Variants in GRIK3 observed in about 807,000 individuals in gnomAD.
GRIK3 encodes glutamate ionotropic receptor kainate type subunit 3, also known as glutamate receptor ionotropic, kainate 3.
Under a neutral mutation model 102.5 loss-of-function variants are expected in GRIK3, and 29 were observed. The observed-to-expected ratio is 0.28, with a 90% CI of 0.21 to 0.39. The LOEUF (loss-of-function observed/expected upper bound fraction) is 0.39. Ranked by LOEUF, GRIK3 falls within the 10% of genes least tolerant of loss-of-function variation. The probability of loss-of-function intolerance (pLI) is 1.00; values close to 1 mark genes in which losing one functional copy is unlikely to be tolerated. For synonymous variants in GRIK3, 511 were observed against 504.9 expected (o/e 1.01, Z -0.16); for missense variants, 908 against 1,252.4 (o/e 0.73, Z 4.15).
intron 11 of GRIK3, among the ~76,000 whole-genome samples, chr1:36,821,945 C>T (rs1033834327): frequency 1.3e-5 from 2 of 152,240 alleles, no homozygotes; most frequent in African/African-American, 4.8e-5. Context: ...AAAAAATCCC[C>T]TATCATACCA....
chr1:36,795,689 C>T lies in GRIK3; in HGVS notation c.*6162G>A, dbSNP rs978097927. On this transcript the variant is annotated 3_prime_UTR_variant, in exon 16 of 16. Coordinates refer to ENST00000373091, the MANE Select transcript of GRIK3 (RefSeq NM_000831.4). ...GAATGATTGGCAAGTAACACAGTTA[C>T]TATGAAACCCAAATTGTTACAAAAT... 3 of 152,218 alleles carry T rather than the reference C, an allele frequency of 2.0e-5. No homozygotes were observed. The highest frequency in any genetic ancestry group is 6.5e-5 in the Admixed American group (1 of 15,278). 9.4% of individuals were successfully genotyped at this position (152,218 alleles called of 1,614,324 possible). A position where few individuals can be genotyped will look rare whatever the true frequency, so the allele number is the denominator to read the frequency against.
At chr1:36,919,338 A>AATTTTATTTT (rs59601847) in intron 1 of GRIK3, among the ~76,000 whole-genome samples, 12,149 of 143,576 alleles carry the variant, frequency 0.085, 781 homozygotes, top group African/African-American at 0.17. Flanking sequence ...GCTTTTTTAA[A>AATTTTATTTT]ATTTTATTTT....
At chr1:36,957,933 A>C (rs555295) in intron 1 of GRIK3, among the ~76,000 whole-genome samples, 463 of 19,370 alleles carry the variant, frequency 0.024, 13 homozygotes, top group Middle Eastern at 0.088. Context: ...TGTGTGCCCC[A>C]TGAGCCTGTG....
At chr1:36,854,700 T>C (rs1324402396) in intron 7 of GRIK3, among the ~76,000 whole-genome samples, 1 of 152,218 alleles carries the variant, frequency 6.6e-6, no homozygotes, top group East Asian at 1.9e-4. Flanking sequence ...CTATTTTCTA[T>C]GAGCCCCTTT....
intron 1 of GRIK3, among the ~76,000 whole-genome samples, chr1:36,907,908 TGA>T (rs1184516582): frequency 1.3e-5 from 2 of 152,100 alleles, no homozygotes; most frequent in African/African-American, 4.8e-5. Context: ...TTGTTCCCAG[TGA>T]GAGAGGCCCC....
chr1:36,805,936 C>CAAAAAAAAAAAAAAAAAAA (rs749853809), intron 14 of GRIK3, among the ~76,000 whole-genome samples, 168 bp downstream of exon 14: 44 of 31,508 alleles, frequency 1.4e-3, no homozygotes, highest in East Asian at 2.6e-3. Context: ...AACTCCACCT[C>CAAAAAAAAAAAAAAAAAAA]AAAAAAAAAA....
At chr1:36,938,560 C>T (rs1289699941) in intron 1 of GRIK3, among the ~76,000 whole-genome samples, 2 of 152,092 alleles carry the variant, frequency 1.3e-5, no homozygotes, top group African/African-American at 2.4e-5. Context: ...TGCTGAAAGG[C>T]CAGGAGATGA....
In GRIK3 at chr1:36,937,567, C is replaced by T. The variant is rs116791117; in HGVS notation, c.116-46471G>A. Reference sequence around the variant, plus strand: ...AGAGAAACAACCCCAGAGATAAAGTCCCGTGCCTCACATGCCTAAATGATT... The same window carrying T: ...AGAGAAACAACCCCAGAGATAAAGTTCCGTGCCTCACATGCCTAAATGATT... On this transcript the variant is annotated intron_variant, in intron 1 of 15. Transcript: ENST00000373091. Among the ~76,000 whole-genome samples, 885 of 152,208 alleles carry T rather than the reference C, an allele frequency of 5.8e-3. 6 individuals are homozygous for T. Among genetic ancestry groups the T allele is most frequent in the African/African-American group, 0.021 (857 of 41,524 alleles).
intron 1 of GRIK3, among the ~76,000 whole-genome samples, chr1:36,910,351 A>G (rs1426671178): frequency 1.3e-5 from 2 of 152,184 alleles, no homozygotes; most frequent in South Asian, 2.1e-4. Context: ...GATCAGCGAG[A>G]TTGTTGCTAA....
chr1:36,977,552 T>A (rs1570840280), intron 1 of GRIK3, among the ~76,000 whole-genome samples: 2 of 152,026 alleles, frequency 1.3e-5, no homozygotes, highest in East Asian at 3.9e-4. Flanking sequence ...ATGTAGAAAA[T>A]TAAGAGAATA....
Position 36,805,067 on chromosome 1 carries a change from C to T in GRIK3, c.2485G>A (p.Ala829Thr). The stretch of plus-strand genomic sequence containing the variant: ...AGCACAGAGAGGACCAGCCCGGCGG[C>T]CAGGACAATGAAGATGCCCCCGATC... Reference protein sequence around the residue: ...QKIGGIFIVLAAGLVLSVLVA... With the variant: ...QKIGGIFIVLTAGLVLSVLVA... Residue 829 changes from alanine (A) to threonine (T), a missense_variant, in exon 15 of 16, where the codon GCC becomes ACC. This residue lies in a region of GRIK3 where 297 missense variants were observed against 362.7 expected (regional missense o/e 0.82). Transcript: ENST00000373091. 3 of 1,614,212 alleles carry T rather than the reference C, an allele frequency of 1.9e-6. No homozygotes were observed. Among genetic ancestry groups the T allele is most frequent in the Non-Finnish European group, 1.7e-6 (2 of 1,180,038 alleles).
intron 8 of GRIK3, among the ~76,000 whole-genome samples, chr1:36,851,340 TAATATGAGAGG>T (rs1640582345): frequency 6.6e-6 from 1 of 152,228 alleles, no homozygotes; most frequent in Non-Finnish European, 1.5e-5. Context: ...AAACAAGTGA[TAATATGAGAGG>T]CAGAGTAGCT....
intron 3 of GRIK3, among the ~76,000 whole-genome samples, chr1:36,873,842 G>A (rs779318293): frequency 6.6e-6 from 1 of 152,196 alleles, no homozygotes; most frequent in African/African-American, 2.4e-5. Context: ...GGCACAAAAA[G>A]AGGGTGAGAA....
intron 3 of GRIK3, among the ~76,000 whole-genome samples, chr1:36,878,215 G>A (rs1168514773): frequency 6.6e-6 from 1 of 152,198 alleles, no homozygotes; most frequent in Non-Finnish European, 1.5e-5. Flanking sequence ...GATTCACAGT[G>A]GTACATTAAG....
In GRIK3 at chr1:36,834,657, TA is replaced by T. The variant is rs755093162; in HGVS notation, c.1530+7078del. On this transcript the variant is annotated intron_variant, in intron 10 of 15. Transcript: ENST00000373091. ...CGGGGACCAGCCTGTGCCTATTTCT[TA>T]GGAAGGCTCAGTGGAATTTCCCTGC... is the stretch of plus-strand genomic sequence containing the variant. 1.4e-4 allele frequency among the ~76,000 whole-genome samples: 22 copies of T among 152,220 alleles called. 1 individual carries two copies. Among genetic ancestry groups the T allele is most frequent in the Middle Eastern group, 3.4e-3 (1 of 294 alleles).
chr1:37,018,524 A>G (rs1044554705), intron 1 of GRIK3, among the ~76,000 whole-genome samples: 1 of 152,166 alleles, frequency 6.6e-6, no homozygotes, highest in South Asian at 2.1e-4. Flanking sequence ...TGTCTCTATA[A>G]ACTGCACAAT....
intron 1 of GRIK3, among the ~76,000 whole-genome samples, chr1:36,987,066 C>T (rs1475588454): frequency 6.6e-6 from 1 of 152,226 alleles, no homozygotes; most frequent in Admixed American, 6.5e-5. Context: ...CCTCTGCCCA[C>T]TCACAGAAAT....
At position 36,850,370 on chromosome 1, in the gene GRIK3, G is replaced by A. The variant is rs911935244; in HGVS notation, c.1267C>T (p.Arg423Ter). 3 of 1,613,744 alleles carry A rather than the reference G, an allele frequency of 1.9e-6. No individual in the cohort carries two copies. The highest frequency in any genetic ancestry group is 2.5e-6 in the Non-Finnish European group (3 of 1,179,718). ...GLNITEVAKGRGPNVTDSLTN... is the reference protein window; with the variant it reads ...GLNITEVAKG ...AGAGAGTCGGTGACATTAGGGCCTCGGCCTTTGGCAACCTCAGTGATGTTG... is the reference window on the plus strand; with the variant it reads ...AGAGAGTCGGTGACATTAGGGCCTCAGCCTTTGGCAACCTCAGTGATGTTG... Residue 423 changes from arginine (R) to a stop codon, truncating the protein, a stop_gained, in exon 9 of 16, where the codon CGA becomes TGA. Coordinates refer to ENST00000373091, the MANE Select transcript of GRIK3 (RefSeq NM_000831.4). LOFTEE classifies it high-confidence loss of function. This position sits in a 1 kb window ranked among gnomAD's most constrained non-coding sequence, Gnocchi z 4.0.
chr1:36,950,600 T>C (rs1274835222), intron 1 of GRIK3, among the ~76,000 whole-genome samples: 1 of 152,224 alleles, frequency 6.6e-6, no homozygotes, highest in Non-Finnish European at 1.5e-5. Flanking sequence ...TCTTTGGCTG[T>C]GCAGACGGTG....
Sources: gnomAD v4.1 joint callset for allele counts (sites outside exome capture counted in the v4.1 genomes callset) on GRCh38, gnomAD v4.1.1 for gene constraint, gnomAD v4.1.1 regional missense constraint, Gnocchi (gnomAD v3.1) non-coding constraint, MANE v1.5 for transcripts, NCBI Gene and HGNC (gene_info 2026-07-23, HGNC 2026-07-21) for gene names.